The following ACYP2 variants were observed in gnomAD, a reference collection of about 807,000 sequenced individuals.
ACYP2 encodes the protein acylphosphatase 2.
In ACYP2, 12 loss-of-function variants were observed where a neutral mutation model predicts 11.2. That is an observed-to-expected ratio of 1.08 (90% CI 0.69 to 1.74). The LOEUF (loss-of-function observed/expected upper bound fraction) is 1.74. Among genes scored for constraint, ACYP2 ranks in the 40% most tolerant of loss-of-function variants. The pLI is 0.00. For missense variants in ACYP2, 134 were observed against 101.9 expected (o/e 1.31, Z -1.35); for synonymous variants, 43 against 32.2 (o/e 1.33, Z -1.13).
At chr2:54,160,919 G>A (rs1682682586) in intron 6 of ACYP2, among the ~76,000 whole-genome samples, 1 of 152,188 alleles carries the variant, frequency 6.6e-6, no homozygotes, top group Non-Finnish European at 1.5e-5. Context: ...TCATCAAAGA[G>A]AGTAAGAATA....
intron 4 of ACYP2, among the ~76,000 whole-genome samples, chr2:54,095,272 C>A (rs980497148): frequency 1.3e-5 from 2 of 152,324 alleles, no homozygotes; most frequent in African/African-American, 4.8e-5. Context: ...ACGAAGTCTC[C>A]CATGTCTACT....
intron 3 of ACYP2, among the ~76,000 whole-genome samples, chr2:54,052,058 A>G (rs1301629690): frequency 6.6e-6 from 1 of 150,882 alleles, no homozygotes; most frequent in African/African-American, 2.4e-5. Context: ...ATAAATAAAT[A>G]AATAAATAAA....
intron 6 of ACYP2, among the ~76,000 whole-genome samples, chr2:54,225,457 TG>T (rs1685974265): frequency 6.6e-6 from 1 of 152,116 alleles, no homozygotes; most frequent in Non-Finnish European, 1.5e-5. Flanking sequence ...TTTTAATACA[TG>T]GGGAGTGACA....
At chr2:54,110,434 A>G (rs1292274743) in intron 4 of ACYP2, among the ~76,000 whole-genome samples, 1 of 152,180 alleles carries the variant, frequency 6.6e-6, no homozygotes, top group Non-Finnish European at 1.5e-5. Flanking sequence ...AAGTTCCCCA[A>G]TGGTCTAAAA....
intron 2 of ACYP2, among the ~76,000 whole-genome samples, chr2:54,029,401 T>A (rs977405946): frequency 3.3e-4 from 46 of 139,490 alleles, no homozygotes; most frequent in African/African-American, 1.2e-3. Flanking sequence ...TTTTTTTCCG[T>A]CCAGAGGTCA....
chr2:54,128,962 A>C (rs750667062), intron 4 of ACYP2, among the ~76,000 whole-genome samples: 2 of 152,174 alleles, frequency 1.3e-5, no homozygotes, highest in Non-Finnish European at 2.9e-5. Context: ...GACACACCCA[A>C]AATAATGCTT....
At chr2:54,077,251 GC>G (rs1308658165) in intron 4 of ACYP2, among the ~76,000 whole-genome samples, 3 of 152,160 alleles carry the variant, frequency 2.0e-5, no homozygotes, top group African/African-American at 7.2e-5. Context: ...CAAATGACTT[GC>G]CTAAGTTCTC....
chr2:54,259,937 A>G (rs1687709083), intron 6 of ACYP2, among the ~76,000 whole-genome samples: 1 of 152,216 alleles, frequency 6.6e-6, no homozygotes, highest in Non-Finnish European at 1.5e-5. Context: ...GGATCAAAGA[A>G]CGTGTTTTTA....
At chr2:54,224,068 AGT>A (rs1685905059) in intron 6 of ACYP2, among the ~76,000 whole-genome samples, 1 of 152,174 alleles carries the variant, frequency 6.6e-6, no homozygotes, top group Admixed American at 6.5e-5. Context: ...AAATACTGTT[AGT>A]CCAGTCTTAT....
intron 6 of ACYP2, among the ~76,000 whole-genome samples, chr2:54,278,363 G>C (rs1182266025): frequency 2.0e-5 from 3 of 152,196 alleles, no homozygotes; most frequent in African/African-American, 7.2e-5. Context: ...ATTTTGTTGA[G>C]TTGAATTTTA....
chr2:54,111,277 T>C (rs561099350), intron 4 of ACYP2, among the ~76,000 whole-genome samples: 1 of 152,114 alleles, frequency 6.6e-6, no homozygotes, highest in African/African-American at 2.4e-5. Context: ...GCTTTGAATA[T>C]TCACCATTCC....
chr2:54,296,949 G>C lies in ACYP2; in HGVS notation c.405-7739G>C, dbSNP rs544338114. Reference sequence around the variant, plus strand: ...ACAAAACTGATTCAGATTTACCGCAGAAATACTAGATTTCAATGGGACATT... The same window carrying C: ...ACAAAACTGATTCAGATTTACCGCACAAATACTAGATTTCAATGGGACATT... On this transcript the variant is annotated intron_variant, in intron 6 of 6. Coordinates refer to ENST00000607452, the MANE Select transcript of ACYP2 (RefSeq NM_001320586.2). Among the ~76,000 whole-genome samples the C allele has an allele frequency of 3.9e-5, 6 of 152,152 alleles. No individual in the cohort carries two copies. The South Asian group carries it at 1.0e-3, about 26-fold the overall frequency.
At chr2:53,994,694 C>T (rs1052482034) in intron 2 of ACYP2, among the ~76,000 whole-genome samples, 1 of 152,100 alleles carries the variant, frequency 6.6e-6, no homozygotes, top group Admixed American at 6.6e-5. Flanking sequence ...AGACCTTCAA[C>T]CAAATAGTTC....
chr2:54,179,695 C>T (rs1683623753), intron 6 of ACYP2, among the ~76,000 whole-genome samples: 1 of 152,164 alleles, frequency 6.6e-6, no homozygotes, highest in Non-Finnish European at 1.5e-5. Flanking sequence ...AGGTCACTCT[C>T]ATCACCATCT....
At chr2:54,268,557 G>C (rs1159705893) in intron 6 of ACYP2, among the ~76,000 whole-genome samples, 1 of 150,966 alleles carries the variant, frequency 6.6e-6, no homozygotes, top group Non-Finnish European at 1.5e-5. Flanking sequence ...ATCCCAGCAA[G>C]TTGGGAGGCT....
intron 2 of ACYP2, among the ~76,000 whole-genome samples, chr2:54,003,550 G>A (rs1672907374): frequency 1.3e-5 from 2 of 152,178 alleles, no homozygotes; most frequent in South Asian, 4.1e-4. Flanking sequence ...GTGAGCCACT[G>A]TGCCTGGCCC....
intron 2 of ACYP2, among the ~76,000 whole-genome samples, chr2:54,005,429 T>G (rs1422868917): frequency 6.6e-6 from 1 of 151,732 alleles, no homozygotes; most frequent in Non-Finnish European, 1.5e-5. Context: ...CACTTCCACC[T>G]GCCAGGTTCA....
intron 6 of ACYP2, among the ~76,000 whole-genome samples, chr2:54,202,405 C>CTTTTTTTTTT (rs61634500): frequency 8.6e-6 from 1 of 116,370 alleles, no homozygotes; most frequent in African/African-American, 3.6e-5. Flanking sequence ...CTGTGCCTGG[C>CTTTTTTTTTT]TTTTTTTTTT....
chr2:54,267,062 T>C (rs1479271894), intron 6 of ACYP2, among the ~76,000 whole-genome samples: 1 of 152,238 alleles, frequency 6.6e-6, no homozygotes, highest in Admixed American at 6.5e-5. Context: ...TTAGTAATTC[T>C]TATCTCTTGT....
Sources: gnomAD v4.1 joint callset for allele counts (sites outside exome capture counted in the v4.1 genomes callset) on GRCh38, gnomAD v4.1.1 for gene constraint, MANE v1.5 for transcripts, NCBI Gene and HGNC (gene_info 2026-07-23, HGNC 2026-07-21) for gene names.